Variants in MIPOL1 observed in about 807,000 individuals in gnomAD.
MIPOL1 encodes the protein mirror-image polydactyly 1.
In MIPOL1, 57 loss-of-function variants were observed where a neutral mutation model predicts 60.9. That is an observed-to-expected ratio of 0.94 (90% CI 0.76 to 1.17). MIPOL1 has a LOEUF of 1.17. Among genes scored for constraint, MIPOL1 ranks in the 50% most tolerant of loss-of-function variants. MIPOL1 has a pLI of 0.00. For synonymous variants in MIPOL1, 179 were observed against 168.8 expected, an observed-to-expected ratio of 1.06 and a Z score of -0.47; for missense variants, 551 against 511.6, an observed-to-expected ratio of 1.08 and a Z score of -0.74.
intron 6 of MIPOL1, among the ~76,000 whole-genome samples, chr14:37,284,495 C>A (rs2084382768): frequency 6.6e-6 from 1 of 152,190 alleles, no homozygotes; most frequent in African/African-American, 2.4e-5. Context: ...AGGTGCCCAC[C>A]ACCATGCCTG....
At chr14:37,445,967 A>T (rs2094327301) in intron 11 of MIPOL1, among the ~76,000 whole-genome samples, 1 of 152,132 alleles carries the variant, frequency 6.6e-6, no homozygotes, top group Non-Finnish European at 1.5e-5. Flanking sequence ...AACCATAAAA[A>T]CCCTAGAAGA....
chr14:37,520,982 G>C (rs1474075428), intron 12 of MIPOL1, among the ~76,000 whole-genome samples: 1 of 131,092 alleles, frequency 7.6e-6, no homozygotes, highest in African/African-American at 3.0e-5. Flanking sequence ...TGTCACCCAG[G>C]CTGAAATGCA....
chr14:37,414,027 A>C (rs1006677380), intron 10 of MIPOL1, among the ~76,000 whole-genome samples: 1 of 152,182 alleles, frequency 6.6e-6, no homozygotes, highest in South Asian at 2.1e-4. Flanking sequence ...AATTGATTTC[A>C]GTACCAAAAA....
Position 37,304,733 on chromosome 14 carries a change from G to A in MIPOL1, c.624-3323G>A, listed in dbSNP as rs181164241. ...TAAATCAAGAAATGCGACATTTCAC[G>A]CATGGATCTTTTCACTTAGAGTGCA... is the stretch of plus-strand genomic sequence containing the variant. On this transcript the variant is annotated intron_variant, in intron 7 of 12. Transcript: ENST00000684589. Among the ~76,000 whole-genome samples, 249 of 151,912 alleles carry A rather than the reference G, an allele frequency of 1.6e-3. 1 individual carries two copies. Among genetic ancestry groups the A allele is most frequent in the African/African-American group, 5.7e-3 (235 of 41,516 alleles).
intron 11 of MIPOL1, among the ~76,000 whole-genome samples, chr14:37,493,861 T>G (rs865784639): frequency 3.9e-5 from 6 of 152,224 alleles, no homozygotes; most frequent in Non-Finnish European, 7.3e-5. Flanking sequence ...GGCTGTTATT[T>G]CATCATTTAT....
chr14:37,357,374 T>C (rs1170285432), intron 9 of MIPOL1, among the ~76,000 whole-genome samples: 2 of 152,096 alleles, frequency 1.3e-5, no homozygotes, highest in East Asian at 3.9e-4. Flanking sequence ...GCTCAAGAAA[T>C]GTTCACCCTT....
chr14:37,527,083 G>A (rs1272383916), intron 12 of MIPOL1, among the ~76,000 whole-genome samples: 5 of 151,756 alleles, frequency 3.3e-5, no homozygotes, highest in Admixed American at 6.6e-5. Context: ...ATTCCTGACC[G>A]GTTCCCATTT....
At chr14:37,433,766 G>A (rs557738718) in intron 11 of MIPOL1, among the ~76,000 whole-genome samples, 1 of 152,182 alleles carries the variant, frequency 6.6e-6, no homozygotes, top group East Asian at 1.9e-4. Flanking sequence ...ATGTTGGCCA[G>A]GCTGGTCTCA....
At chr14:37,335,382 CTTAAA>C (rs1242047750) in intron 9 of MIPOL1, among the ~76,000 whole-genome samples, 1 of 152,042 alleles carries the variant, frequency 6.6e-6, no homozygotes, top group Non-Finnish European at 1.5e-5. Context: ...TATTGCAAGA[CTTAAA>C]TTAAACAATA....
intron 11 of MIPOL1, among the ~76,000 whole-genome samples, chr14:37,486,167 C>T (rs1264381844): frequency 6.6e-6 from 1 of 152,000 alleles, no homozygotes; most frequent in African/African-American, 2.4e-5. Flanking sequence ...TTTCTGAGGC[C>T]TCTGTTTGTT....
chr14:37,417,481 A>T (rs949838975), intron 10 of MIPOL1, among the ~76,000 whole-genome samples: 1 of 152,186 alleles, frequency 6.6e-6, no homozygotes, highest in African/African-American at 2.4e-5. Context: ...ATGGAAATAC[A>T]CAATGGTAAG....
intron 8 of MIPOL1, 41 bp downstream of exon 8, chr14:37,308,130 T>G (rs746582475): frequency 6.3e-7 from 1 of 1,577,134 alleles, no homozygotes; most frequent in Non-Finnish European, 8.7e-7. Flanking sequence ...GTCAGTCTTA[T>G]ATCTTAGAGG....
chr14:37,372,938 A>T (rs1184666826), intron 10 of MIPOL1, among the ~76,000 whole-genome samples: 2 of 152,080 alleles, frequency 1.3e-5, no homozygotes, highest in African/African-American at 4.8e-5. Context: ...TGTTTAAAGT[A>T]AATTTTATCT....
intron 12 of MIPOL1, among the ~76,000 whole-genome samples, chr14:37,524,900 A>G (rs1010257619): frequency 1.2e-4 from 19 of 152,058 alleles, no homozygotes; most frequent in African/African-American, 4.6e-4. Context: ...AAGGAAGTAT[A>G]ATCATTAACA....
At chr14:37,254,285 GA>G (rs1443933149) in intron 3 of MIPOL1, among the ~76,000 whole-genome samples, 1 of 151,422 alleles carries the variant, frequency 6.6e-6, no homozygotes, top group Non-Finnish European at 1.5e-5. Flanking sequence ...AATACTCTTG[GA>G]CTGAGTAGAA....
At chr14:37,458,785 G>C (rs756280545) in intron 11 of MIPOL1, among the ~76,000 whole-genome samples, 2 of 152,084 alleles carry the variant, frequency 1.3e-5, no homozygotes, top group Non-Finnish European at 2.9e-5. Flanking sequence ...CTGGGAGACA[G>C]AGGTTGCAGT....
At chr14:37,412,321 T>C (rs1239980064) in intron 10 of MIPOL1, among the ~76,000 whole-genome samples, 1 of 152,114 alleles carries the variant, frequency 6.6e-6, no homozygotes, top group African/African-American at 2.4e-5. Flanking sequence ...CCTTGACACG[T>C]ATGTATGTAA....
At chr14:37,458,646 C>G (rs1181963044) in intron 11 of MIPOL1, among the ~76,000 whole-genome samples, 1 of 151,722 alleles carries the variant, frequency 6.6e-6, no homozygotes. Flanking sequence ...TGGGGAAACC[C>G]CGTCTCTACT....
At chr14:37,511,866 A>C (rs950101528) in intron 12 of MIPOL1, among the ~76,000 whole-genome samples, 5 of 152,220 alleles carry the variant, frequency 3.3e-5, no homozygotes, top group Admixed American at 3.3e-4. Flanking sequence ...ATGAAGAGTT[A>C]TATACTGTAA....
Sources: gnomAD v4.1 joint callset for allele counts (sites outside exome capture counted in the v4.1 genomes callset) on GRCh38, gnomAD v4.1.1 for gene constraint, MANE v1.5 for transcripts, NCBI Gene and HGNC (gene_info 2026-07-23, HGNC 2026-07-21) for gene names.